NCBP2L: variants seen among roughly 807,000 people sequenced by gnomAD.
The protein encoded by NCBP2L is nuclear cap-binding protein subunit 2-like.
For synonymous variants in NCBP2L, 39 were observed against 19.2 expected (o/e 2.04, Z -2.70); for missense variants, 95 against 53.1 (o/e 1.79, Z -2.45).
chrX:107,783,855 C>CGTGTGTGTGTGT (rs1331533982), intron 1 of NCBP2L, among the ~76,000 whole-genome samples: 11 of 79,860 alleles, frequency 1.4e-4, no homozygotes, highest in African/African-American at 6.3e-4. Context: ...GTCTGGTGTG[C>CGTGTGTGTGTGT]GTATGTGTGT....
In NCBP2L at chrX:107,794,967, C is replaced by T. The variant is rs1930501533; in HGVS notation, c.*285C>T. The T allele has an allele frequency of 6.1e-6, 1 of 163,910 alleles. No individual in the cohort carries two copies. The highest frequency in any genetic ancestry group is 1.2e-5 in the Non-Finnish European group (1 of 85,774). 13.5% of individuals were successfully genotyped at this position (163,910 alleles called of 1,213,427 possible). ...AAGATCAGAGTCAACCAAAGCACAA[C>T]TTCCCTTTTAAGAAGATTTCTGTTG... is the stretch of plus-strand genomic sequence containing the variant. On this transcript the variant is annotated 3_prime_UTR_variant, in exon 2 of 2. Transcript: ENST00000509000.
chrX:107,795,815 T>C lies in NCBP2L; in HGVS notation c.*1133T>C, dbSNP rs1340907256. 1 of 111,453 alleles carries C rather than the reference T, an allele frequency of 9.0e-6. No individual in the cohort carries two copies. The highest frequency in any genetic ancestry group is 1.9e-5 in the Non-Finnish European group (1 of 53,094). 9.2% of individuals were successfully genotyped at this position (111,453 alleles called of 1,213,427 possible). A position where few individuals can be genotyped will look rare whatever the true frequency, so the allele number is the denominator to read the frequency against. On this transcript the variant is annotated 3_prime_UTR_variant, in exon 2 of 2. Coordinates refer to ENST00000509000, the MANE Select transcript of NCBP2L (RefSeq NM_001348372.2). ...ACTGCAGTAATAAAAAATCGAAAAATTTTAGTGCTTAAAATTACTAAGTTC... is the reference window on the plus strand; with the variant it reads ...ACTGCAGTAATAAAAAATCGAAAAACTTTAGTGCTTAAAATTACTAAGTTC...
At chrX:107,783,371 T>TTA (rs1556345943) in intron 1 of NCBP2L, among the ~76,000 whole-genome samples, 1 of 90,387 alleles carries the variant, frequency 1.1e-5, no homozygotes, top group African/African-American at 4.1e-5. Context: ...TTTTTTTTTT[T>TTA]TTTTTTTTAT....
At position 107,781,692 on chromosome X, in the gene NCBP2L, C is replaced by CTCTCTCTCTCTCTCTA. The variant is rs1395038482; in HGVS notation, c.-73+3835_-73+3836insCTCTCTCTCTCTCTAT. ...TATCTATCTATCTCTCTCTCTCTCT[C>CTCTCTCTCTCTCTCTA]TATATATATATATATATAGATCTAT... is the stretch of plus-strand genomic sequence containing the variant. On this transcript the variant is annotated intron_variant, in intron 1 of 1. Coordinates refer to ENST00000509000, the MANE Select transcript of NCBP2L (RefSeq NM_001348372.2). Among the ~76,000 whole-genome samples the CTCTCTCTCTCTCTCTA allele has an allele frequency of 6.8e-3, 454 of 66,856 alleles. 1 individual carries two copies. The highest frequency in any genetic ancestry group is 8.8e-3 in the Non-Finnish European group (348 of 39,759). 58.1% of individuals were successfully genotyped at this position (66,856 alleles called of 115,157 possible).
At chrX:107,793,202 T>G (rs916202815) in intron 1 of NCBP2L, among the ~76,000 whole-genome samples, 2 of 112,265 alleles carry the variant, frequency 1.8e-5, no homozygotes, top group African/African-American at 6.5e-5. Context: ...TTGGACCATT[T>G]GCATCTGGAT....
At chrX:107,791,439 T>C (rs1199867878) in intron 1 of NCBP2L, among the ~76,000 whole-genome samples, 1 of 111,575 alleles carries the variant, frequency 9.0e-6, no homozygotes, top group Non-Finnish European at 1.9e-5. Flanking sequence ...AAAGATGAGG[T>C]TTCACCATGT....
intron 1 of NCBP2L, among the ~76,000 whole-genome samples, chrX:107,785,036 G>GGAAA (rs1191618842): frequency 9.5e-5 from 9 of 94,465 alleles, no homozygotes; most frequent in Admixed American, 2.5e-4. Context: ...AAGGAAGGAA[G>GGAAA]GAAAGAAAGA....
At chrX:107,784,260 A>G (rs1930366989) in intron 1 of NCBP2L, among the ~76,000 whole-genome samples, 1 of 111,411 alleles carries the variant, frequency 9.0e-6, no homozygotes, top group African/African-American at 3.3e-5. Context: ...ATGTAAGATA[A>G]TGCATGACAT....
At chrX:107,785,036 G>A (rs752346002) in intron 1 of NCBP2L, among the ~76,000 whole-genome samples, 7 of 94,455 alleles carry the variant, frequency 7.4e-5, no homozygotes, top group Non-Finnish European at 2.1e-5. Context: ...AAGGAAGGAA[G>A]GAAAGAAAGA....
At chrX:107,781,650 TCATC>T (rs150613495) in intron 1 of NCBP2L, among the ~76,000 whole-genome samples, 185 of 50,742 alleles carry the variant, frequency 3.6e-3, no homozygotes, top group African/African-American at 7.7e-3. Flanking sequence ...TATCTATCTA[TCATC>T]TATCTATCTA....
intron 1 of NCBP2L, among the ~76,000 whole-genome samples, chrX:107,781,692 C>CTCTCTCTCTCTCTCTCTATATATATA (rs1395038482): frequency 1.5e-4 from 10 of 66,913 alleles, no homozygotes; most frequent in African/African-American, 1.7e-4. Flanking sequence ...CTCTCTCTCT[C>CTCTCTCTCTCTCTCTCTATATATATA]TATATATATA....
chrX:107,794,185 C>T lies in NCBP2L; in HGVS notation c.-36C>T, dbSNP rs370136139. On this transcript the variant is annotated 5_prime_UTR_variant, in exon 2 of 2. Coordinates refer to ENST00000509000, the MANE Select transcript of NCBP2L (RefSeq NM_001348372.2). ...TGGTGTCACTGCTGCCAAGCTGGACCGAAAACGGCCATCGGCATGCTGCCC... is the reference window on the plus strand; with the variant it reads ...TGGTGTCACTGCTGCCAAGCTGGACTGAAAACGGCCATCGGCATGCTGCCC... 54 of 494,421 alleles carry T rather than the reference C, an allele frequency of 1.1e-4. No homozygotes were observed. The East Asian group carries it at 1.1e-3, about 10-fold the overall frequency. 40.7% of individuals were successfully genotyped at this position (494,421 alleles called of 1,213,427 possible).
chrX:107,792,766 G>A (rs1316517771), intron 1 of NCBP2L, among the ~76,000 whole-genome samples: 2 of 111,611 alleles, frequency 1.8e-5, no homozygotes, highest in African/African-American at 6.5e-5. Context: ...AGCCTTCTCT[G>A]TTGTCCCCAG....
chrX:107,779,836 C>T (rs1311264270), intron 1 of NCBP2L, among the ~76,000 whole-genome samples: 2 of 104,653 alleles, frequency 1.9e-5, no homozygotes, highest in African/African-American at 3.5e-5. Flanking sequence ...CTCCACCTCC[C>T]GGGTTCACGC....
intron 1 of NCBP2L, among the ~76,000 whole-genome samples, chrX:107,781,651 C>CATCT (rs1168324440): frequency 0.031 from 1,994 of 65,177 alleles, 95 homozygotes; most frequent in East Asian, 0.15. Flanking sequence ...ATCTATCTAT[C>CATCT]ATCTATCTAT....
chrX:107,782,250 AATAT>A (rs1187206249), intron 1 of NCBP2L, among the ~76,000 whole-genome samples: 1 of 4,113 alleles, frequency 2.4e-4, no homozygotes, highest in Non-Finnish European at 3.6e-4. Context: ...TATATATATA[AATAT>A]ATATATAAAT....
At chrX:107,788,288 T>C (rs1440996748) in intron 1 of NCBP2L, among the ~76,000 whole-genome samples, 1 of 112,141 alleles carries the variant, frequency 8.9e-6, no homozygotes, top group Non-Finnish European at 1.9e-5. Flanking sequence ...CATTGCAGCC[T>C]CCACATGAAT....
At chrX:107,793,333 T>A (rs1191123387) in intron 1 of NCBP2L, among the ~76,000 whole-genome samples, 4 of 111,260 alleles carry the variant, frequency 3.6e-5, no homozygotes, top group Admixed American at 9.6e-5. Context: ...GGTGTTTCTA[T>A]CATGCTAAAA....
intron 1 of NCBP2L, among the ~76,000 whole-genome samples, chrX:107,781,732 CTATA>C (rs753722791): frequency 2.4e-3 from 129 of 53,408 alleles, no homozygotes; most frequent in African/African-American, 0.01. Flanking sequence ...ATCTATAGAT[CTATA>C]TATAGATATC....
Sources: gnomAD v4.1 joint callset for allele counts (sites outside exome capture counted in the v4.1 genomes callset) on GRCh38, gnomAD v4.1.1 for gene constraint, MANE v1.5 for transcripts, NCBI Gene and HGNC (gene_info 2026-07-23, HGNC 2026-07-21) for gene names.